SARDH: variants seen among roughly 807,000 people sequenced by gnomAD.
SARDH encodes the protein sarcosine dehydrogenase.
Under a neutral mutation model 109.1 loss-of-function variants are expected in SARDH, and 95 were observed. The observed-to-expected ratio is 0.87, with a 90% CI of 0.74 to 1.03. The LOEUF (loss-of-function observed/expected upper bound fraction) is 1.03, where lower values mean the gene tolerates loss of function less well. SARDH is among the 50% of genes least tolerant of loss of function. The pLI, the probability that SARDH is intolerant of heterozygous loss-of-function variation, is 0.00. For missense variants in SARDH, 1,267 were observed against 1,287.8 expected (o/e 0.98, Z 0.25); for synonymous variants, 572 against 534.8 (o/e 1.07, Z -0.96).
chr9:133,734,348 T>TTCATTCATTCACTCATTCATTCATTCAC (rs1564303891), intron 1 of SARDH, 145 bp from the exon 2 acceptor site: 24 of 380,822 alleles, frequency 6.3e-5, no homozygotes, highest in African/African-American at 5.9e-4. Flanking sequence ...CATTCACTCA[T>TTCATTCATTCACTCATTCATTCATTCAC]TCATTCATTC....
At position 133,718,644 on chromosome 9, in the gene SARDH, AG is replaced by A; in HGVS notation, c.1020+293del. ...GGCAGTGTCATTTGCTGAAGGACGT[AG>A]GACTTGTGTGCTCTCATGCCCTTCT... is the stretch of plus-strand genomic sequence containing the variant. On this transcript the variant is annotated intron_variant, in intron 7 of 20. Transcript: ENST00000439388. This position sits in a 1 kb window ranked among gnomAD's most constrained non-coding sequence, Gnocchi z 4.2. 1 of 778,800 alleles carries A rather than the reference AG, an allele frequency of 1.3e-6. No homozygotes were observed. Among genetic ancestry groups the A allele is most frequent in the Non-Finnish European group, 2.4e-6 (1 of 417,794 alleles). The allele number at this position is 778,800 out of a possible 1,614,324, so 48.2% of individuals were successfully genotyped here.
intron 1 of SARDH, among the ~76,000 whole-genome samples, chr9:133,737,464 A>G (rs568846238): frequency 3.3e-4 from 51 of 152,280 alleles, no homozygotes; most frequent in Middle Eastern, 6.8e-3. Flanking sequence ...ACAGTCTTCC[A>G]GGAGCCCCCA....
rs573117932 is a variant in SARDH at position 133,688,382 on chromosome 9, G to A, written c.2069+1998C>T. On this transcript the variant is annotated intron_variant, in intron 16 of 20. Coordinates refer to ENST00000439388, the MANE Select transcript of SARDH (RefSeq NM_001134707.2). ...CACCCCATCCACTGTCGGGTGCTAT[G>A]AGCCTCGCCCAGTCCATGGGAACCA... is the stretch of plus-strand genomic sequence containing the variant. Among the ~76,000 whole-genome samples, 217 of 148,262 alleles carry A rather than the reference G, an allele frequency of 1.5e-3. 3 individuals carry two copies. The highest frequency in any genetic ancestry group is 5.4e-3 in the African/African-American group (214 of 39,936).
At chr9:133,703,325 G>C in intron 12 of SARDH, 2 of 447,682 alleles carry the variant, frequency 4.5e-6, no homozygotes, top group Non-Finnish European at 8.2e-6. Context: ...AGGGAGAGGT[G>C]GTTACCCAGG....
At chr9:133,715,877 T>A (rs1404843235) in intron 8 of SARDH, among the ~76,000 whole-genome samples, 13 of 152,190 alleles carry the variant, frequency 8.5e-5, no homozygotes, top group Non-Finnish European at 1.5e-5. Flanking sequence ...CCAGTGCCCT[T>A]CACTAAAGGC....
At chr9:133,679,955 C>T (rs560550550) in intron 17 of SARDH, among the ~76,000 whole-genome samples, 26 of 152,338 alleles carry the variant, frequency 1.7e-4, no homozygotes, top group Non-Finnish European at 3.1e-4. Context: ...CAGGCACACG[C>T]ATTCCTCGCC....
chr9:133,702,972 A>G lies in SARDH; in HGVS notation c.1612T>C (p.Tyr538His), dbSNP rs1831547386. The change falls in exon 13 of 21, where the codon TAC becomes CAC. Residue 538 changes from tyrosine to histidine, a missense_variant. Physicochemically the swap from Tyr to His is moderately conservative, Grantham distance 83. Coordinates refer to ENST00000439388, the MANE Select transcript of SARDH (RefSeq NM_001134707.2). ...TACTCGTCTGCCAGCAGCCTGCGGT[A>G]GGCGTAGTCCTCGTGCGCGCGGCTC... ...YGSRAHEDYA[Y>H]RRLLADEYTF... is the part of the protein sequence containing the mutation. 1.9e-6 allele frequency: 3 copies of G among 1,613,306 alleles called. No individual in the cohort carries two copies. The Admixed American group carries it at 5.0e-5, about 27-fold the overall frequency.
chr9:133,708,138 T>C (rs1831767167), intron 11 of SARDH, 149 bp downstream of exon 11: 1 of 866,286 alleles, frequency 1.2e-6, no homozygotes, highest in Admixed American at 3.0e-5. Context: ...CACATGGGGG[T>C]GCCGGGTTAC....
Position 133,732,549 on chromosome 9 carries a change from G to A in SARDH, c.384C>T (p.His128=), listed in dbSNP as rs1405812782. Residue 128 remains histidine, a synonymous_variant, in exon 3 of 21, where the codon CAC becomes CAT. Coordinates refer to ENST00000439388, the MANE Select transcript of SARDH (RefSeq NM_001134707.2). The stretch of plus-strand genomic sequence containing the variant: ...GCTCCCGGCTCACCACCCGCCGAGT[G>A]TGGGCCAGAAGCTCCACCTCCACGT... ...PSDVEVELLA[H]TRRVVSRELE... 5.0e-6 allele frequency: 8 copies of A among 1,613,714 alleles called. No individual in the cohort carries two copies. The highest frequency in any genetic ancestry group is 2.2e-5 in the East Asian group (1 of 44,850).
At position 133,712,470 on chromosome 9, in the gene SARDH, T is replaced by C; in HGVS notation, c.1328+149A>G. On this transcript the variant is annotated intron_variant, in intron 10 of 20. Transcript: ENST00000439388. The surrounding 1 kb of genome is among the most constrained non-coding windows in gnomAD (Gnocchi z 4.1). ...CACCCCCTCAGCACTGCCCACCTTC[T>C]GCTGGTGGCCTTCCTCCCTCACTGC... 1 of 658,276 alleles carries C rather than the reference T, an allele frequency of 1.5e-6. No individual in the cohort carries two copies. Among genetic ancestry groups the C allele is most frequent in the Non-Finnish European group, 2.7e-6 (1 of 373,150 alleles). 40.8% of individuals were successfully genotyped at this position (658,276 alleles called of 1,614,324 possible).
chr9:133,723,914 C>G (rs1832406290), intron 6 of SARDH, among the ~76,000 whole-genome samples: 2 of 152,098 alleles, frequency 1.3e-5, no homozygotes, highest in Admixed American at 1.3e-4. Context: ...CAGTTGGACC[C>G]CTACCTCACA....
intron 17 of SARDH, among the ~76,000 whole-genome samples, chr9:133,676,001 G>C (rs1281272027): frequency 6.6e-6 from 1 of 152,070 alleles, no homozygotes; most frequent in Non-Finnish European, 1.5e-5. Flanking sequence ...GCTGAAGGGG[G>C]GAGGATCACT....
downstream of SARDH, among the ~76,000 whole-genome samples, chr9:133,661,362 A>C (rs144334135): frequency 6.8e-4 from 104 of 152,044 alleles, no homozygotes; most frequent in East Asian, 0.01. Flanking sequence ...ACAACAACAA[A>C]AAAAAACAAA....
chr9:133,734,501 G>A (rs1046470700), intron 1 of SARDH, among the ~76,000 whole-genome samples: 24 of 151,878 alleles, frequency 1.6e-4, no homozygotes, highest in African/African-American at 5.6e-4. Context: ...TGTATTAAGG[G>A]CCTGGTATGC....
chr9:133,723,374 T>TTG (rs1832388922), intron 6 of SARDH, among the ~76,000 whole-genome samples: 2 of 152,240 alleles, frequency 1.3e-5, no homozygotes, highest in African/African-American at 4.8e-5. Context: ...CACTTCTTGA[T>TTG]ACCAAACTTA....
intron 5 of SARDH, 87 bp downstream of exon 5, chr9:133,729,977 C>T: frequency 3.1e-6 from 5 of 1,592,618 alleles, no homozygotes; most frequent in Middle Eastern, 1.7e-4. Context: ...GGCTCCCCAC[C>T]CCAGAAAGAA....
rs1043289150 is a variant in SARDH at position 133,693,167 on chromosome 9, C to A, written c.1921+1091G>T. Among the ~76,000 whole-genome samples the A allele has an allele frequency of 1.3e-5, 2 of 152,134 alleles. No individual in the cohort carries two copies. Among genetic ancestry groups the A allele is most frequent in the Non-Finnish European group, 2.9e-5 (2 of 68,034 alleles). On this transcript the variant is annotated intron_variant, in intron 15 of 20. Transcript: ENST00000439388. This position sits in a 1 kb window ranked among gnomAD's most constrained non-coding sequence, Gnocchi z 5.6. ...TTATTTTTTTAATCCTATTTCCTCC[C>A]ACCAGAGATACAAACTCCACATGGG...
At chr9:133,663,447 C>G (rs528187945), downstream of SARDH, 13 of 240,608 alleles carry the variant, frequency 5.4e-5, no homozygotes, top group Non-Finnish European at 8.1e-5. Flanking sequence ...CAGTCGATCA[C>G]CTCTCTTTCC....
chr9:133,709,011 G>A lies in SARDH; in HGVS notation c.1329-583C>T, dbSNP rs1282202022. 1.3e-5 allele frequency among the ~76,000 whole-genome samples: 2 copies of A among 152,160 alleles called. No individual in the cohort carries two copies. The highest frequency in any genetic ancestry group is 4.8e-5 in the African/African-American group (2 of 41,404). On this transcript the variant is annotated intron_variant, in intron 10 of 20. Coordinates refer to ENST00000439388, the MANE Select transcript of SARDH (RefSeq NM_001134707.2). This position sits in a 1 kb window ranked among gnomAD's most constrained non-coding sequence, Gnocchi z 4.2. Reference sequence around the variant, plus strand: ...GTGATCCCAAAGCTGGGCCTCGTCTGTGGGTCAGACCAGGGACCCAAGAGG... The same window carrying A: ...GTGATCCCAAAGCTGGGCCTCGTCTATGGGTCAGACCAGGGACCCAAGAGG...
Sources: gnomAD v4.1 joint callset for allele counts (sites outside exome capture counted in the v4.1 genomes callset) on GRCh38, gnomAD v4.1.1 for gene constraint, Gnocchi (gnomAD v3.1) non-coding constraint, MANE v1.5 for transcripts, NCBI Gene and HGNC (gene_info 2026-07-23, HGNC 2026-07-21) for gene names.